The following ZFHX3 variants were observed in gnomAD, a reference collection of about 807,000 sequenced individuals.
ZFHX3 encodes zinc finger homeobox 3, also known as zinc finger homeobox protein 3.
Under a neutral mutation model 279.1 loss-of-function variants are expected in ZFHX3, and 42 were observed. The observed-to-expected ratio is 0.15, with a 90% CI of 0.12 to 0.19. The LOEUF is 0.19. Ranked by LOEUF, ZFHX3 falls within the 10% of genes least tolerant of loss-of-function variation. The pLI is 1.00. For synonymous variants in ZFHX3, 2,293 were observed against 1,957.8 expected (o/e 1.17, Z -4.52); for missense variants, 4,981 against 4,754.0 (o/e 1.05, Z -1.40).
At chr16:73,064,009 CCACAAAAGG>C (rs1204970629), upstream of ZFHX3, among the ~76,000 whole-genome samples, 1 of 152,080 alleles carries the variant, frequency 6.6e-6, no homozygotes, top group Non-Finnish European at 1.5e-5. Context: ...CGCACCGTGC[CCACAAAAGG>C]CGCTTTAATT....
intron 2 of ZFHX3, among the ~76,000 whole-genome samples, chr16:73,471,402 T>C (rs2018663912): frequency 6.6e-6 from 1 of 152,058 alleles, no homozygotes; most frequent in African/African-American, 2.4e-5. Flanking sequence ...TGTGAATCTC[T>C]TTCTTTTTCT....
chr16:73,869,036 GT>G (rs1360010259), intron 1 of ZFHX3, among the ~76,000 whole-genome samples: 2 of 152,174 alleles, frequency 1.3e-5, no homozygotes, highest in African/African-American at 4.8e-5. Context: ...GAAAGGTCCA[GT>G]GAGTGCTCTG....
chr16:72,926,521 A>C (rs1959455777), intron 3 of ZFHX3, among the ~76,000 whole-genome samples: 1 of 152,238 alleles, frequency 6.6e-6, no homozygotes, highest in Non-Finnish European at 1.5e-5. Context: ...ATGAGCTGGA[A>C]GTGTCTCTGA....
In ZFHX3 at chr16:73,349,359, A is replaced by G. The variant is rs28619034; in HGVS notation, c.-1290-31023T>C. Among the ~76,000 whole-genome samples, 513 of 152,232 alleles carry G rather than the reference A, an allele frequency of 3.4e-3. 3 individuals carry two copies. The highest frequency in any genetic ancestry group is 0.011 in the African/African-American group (464 of 41,532). ...CACCTGATCAGAAGAATTACCTCTA[A>G]CCAAGTGCACAGTCAGCAGCCTCAT... On this transcript the variant is annotated intron_variant, in intron 3 of 17. Transcript: ENST00000641206.
intron 4 of ZFHX3, among the ~76,000 whole-genome samples, chr16:72,882,516 T>C (rs1296253874): frequency 2.6e-5 from 4 of 152,166 alleles, no homozygotes; most frequent in Non-Finnish European, 5.9e-5. Context: ...TCTAGATAAC[T>C]GCTGAAAAGG....
chr16:73,789,961 T>C (rs1959772661), intron 1 of ZFHX3, among the ~76,000 whole-genome samples: 1 of 152,224 alleles, frequency 6.6e-6, no homozygotes, highest in Admixed American at 6.5e-5. Context: ...TCATTTATTA[T>C]CGCATTGCAC....
intron 4 of ZFHX3, among the ~76,000 whole-genome samples, chr16:72,839,467 T>C (rs1306160517): frequency 6.6e-6 from 1 of 152,154 alleles, no homozygotes; most frequent in Non-Finnish European, 1.5e-5. Flanking sequence ...AGAAGGGGCA[T>C]GCAAAATAGA....
chr16:73,851,780 T>C (rs1961599898), intron 1 of ZFHX3, among the ~76,000 whole-genome samples: 1 of 152,194 alleles, frequency 6.6e-6, no homozygotes, highest in Non-Finnish European at 1.5e-5. Flanking sequence ...AGGGCCTTTT[T>C]TAAAAATATT....
intron 8 of ZFHX3, chr16:73,081,748 C>G (rs1965948073): frequency 6.6e-6 from 1 of 152,082 alleles, no homozygotes; most frequent in Non-Finnish European, 1.5e-5. Context: ...AGAACTCACC[C>G]TTTTTTCCAG....
chr16:72,918,751 A>G (rs1373603424), intron 3 of ZFHX3, among the ~76,000 whole-genome samples: 1 of 146,844 alleles, frequency 6.8e-6, no homozygotes, highest in African/African-American at 2.5e-5. Flanking sequence ...GCTGGAGCGC[A>G]GTGGTGAAAT....
chr16:72,991,005 AGAG>A (rs1963068758), intron 1 of ZFHX3, among the ~76,000 whole-genome samples: 1 of 150,736 alleles, frequency 6.6e-6, no homozygotes, highest in Admixed American at 6.6e-5. Flanking sequence ...AAAAAAAAAA[AGAG>A]AGAGAAATGG....
chr16:73,044,818 T>C (rs1237991096), intron 1 of ZFHX3, among the ~76,000 whole-genome samples: 5 of 152,100 alleles, frequency 3.3e-5, no homozygotes, highest in Non-Finnish European at 1.5e-5. Context: ...ACGGGGTTTC[T>C]CCATGTTGAT....
In ZFHX3 at chr16:72,958,050, C is replaced by G. The variant is rs747865929; in HGVS notation, c.2096G>C (p.Gly699Ala). ...HMKEKHPEPG[G>A]SCVYCKSGQP... ...CCCGCTTTTGCAGTAGACACAGGAG[C>G]CCCCCGGCTCCGGGTGCTTCTCCTT... is the stretch of plus-strand genomic sequence containing the variant. Residue 699 changes from glycine (G) to alanine (A), a missense_variant, in exon 2 of 10, where the codon GGC becomes GCC. Gly to Ala is a moderately conservative substitution (Grantham distance 60). Around this residue, in one of 7 missense-constraint regions of ZFHX3, gnomAD observed 1,068 missense variants for 935.2 expected, o/e 1.14. Coordinates refer to ENST00000268489, the MANE Select transcript of ZFHX3 (RefSeq NM_006885.4). The G allele has an allele frequency of 2.5e-6, 4 of 1,613,434 alleles. No individual in the cohort carries two copies. The highest frequency in any genetic ancestry group is 3.4e-6 in the Non-Finnish European group (4 of 1,180,018).
intron 1 of ZFHX3, among the ~76,000 whole-genome samples, chr16:72,962,934 G>A (rs535622471): frequency 6.6e-6 from 1 of 152,078 alleles, no homozygotes; most frequent in African/African-American, 2.4e-5. Flanking sequence ...CACATCCTGT[G>A]GCTCAAGGGT....
intron 1 of ZFHX3, among the ~76,000 whole-genome samples, chr16:73,833,532 C>G (rs531902315): frequency 6.6e-6 from 1 of 151,884 alleles, no homozygotes; most frequent in African/African-American, 2.4e-5. Context: ...CATGTTCTCA[C>G]TCATAAGTGG....
chr16:73,794,768 C>T (rs539984325), intron 1 of ZFHX3, among the ~76,000 whole-genome samples: 32 of 152,262 alleles, frequency 2.1e-4, no homozygotes, highest in South Asian at 1.7e-3. Context: ...ATCGATTAGA[C>T]GCTTTTATCT....
intron 1 of ZFHX3, among the ~76,000 whole-genome samples, chr16:73,799,804 CT>C (rs1258379059): frequency 6.6e-6 from 1 of 152,158 alleles, no homozygotes; most frequent in African/African-American, 2.4e-5. Flanking sequence ...AAGCATCTCA[CT>C]CTCCCATTTA....
At chr16:73,247,517 G>T (rs1397347029) in intron 5 of ZFHX3, among the ~76,000 whole-genome samples, 2 of 149,468 alleles carry the variant, frequency 1.3e-5, no homozygotes, top group East Asian at 2.0e-4. Context: ...GTGTGTGTTT[G>T]TATACTACGT....
At chr16:73,193,038 G>A (rs113187220) in intron 5 of ZFHX3, among the ~76,000 whole-genome samples, 106 of 152,350 alleles carry the variant, frequency 7.0e-4, no homozygotes, top group African/African-American at 2.5e-3. Flanking sequence ...AGTGCTTTGC[G>A]TGGGTTCAGG....
Sources: allele counts gnomAD v4.1 joint callset (sites outside exome capture counted in the v4.1 genomes callset), GRCh38; gene constraint gnomAD v4.1.1; regional missense constraint gnomAD v4.1.1; transcripts MANE v1.5; gene names NCBI Gene and HGNC (gene_info 2026-07-23, HGNC 2026-07-21).